EVPL: variants seen among roughly 807,000 people sequenced by gnomAD.
The protein encoded by EVPL is envoplakin, also known as 210 kDa cornified envelope precursor protein.
In EVPL, 94 loss-of-function variants were observed where a neutral mutation model predicts 129.7. The observed-to-expected ratio is 0.72, with a 90% confidence interval of 0.61 to 0.86. The LOEUF is 0.86. Among genes scored for constraint, EVPL ranks in the 40% least tolerant of loss-of-function variants. The pLI, the probability that EVPL is intolerant of heterozygous loss-of-function variation, is 0.00. For missense variants in EVPL, 2,625 were observed against 2,721.1 expected, an observed-to-expected ratio of 0.96 and a Z score of 0.79; for synonymous variants, 1,172 against 1,191.1, an observed-to-expected ratio of 0.98 and a Z score of 0.33.
At position 76,013,903 on chromosome 17, in the gene EVPL, C is replaced by G. The variant is rs74885348; in HGVS notation, c.2373+523G>C. Among the ~76,000 whole-genome samples, 317 of 152,238 alleles carry G rather than the reference C, an allele frequency of 2.1e-3. 7 individuals are homozygous for G. In the East Asian group the frequency reaches 0.052, roughly 25 times the overall value. ...TGCCGGAAGGGCCTGTGTGGTCTGC[C>G]CATCTGGTCGCCCTCGCCCCTGAGT... On this transcript the variant is annotated intron_variant, in intron 18 of 21. Coordinates refer to ENST00000301607, the MANE Select transcript of EVPL (RefSeq NM_001988.4). The surrounding 1 kb of genome is among the most constrained non-coding windows in gnomAD (Gnocchi z 4.3).
In EVPL at chr17:76,027,263, G is replaced by A; in HGVS notation, c.-65C>T. 8.6e-7 allele frequency: 1 copy of A among 1,158,150 alleles called. No individual in the cohort carries two copies. The highest frequency in any genetic ancestry group is 1.3e-6 in the Non-Finnish European group (1 of 772,636). 71.7% of individuals were successfully genotyped at this position (1,158,150 alleles called of 1,614,324 possible). ...GGCGAAAGACGGCAGGAGGGCAGGT[G>A]GGAGGCAGCGGGCGTCCTCACTGGC... On this transcript the variant is annotated 5_prime_UTR_variant, in exon 1 of 22. Transcript: ENST00000301607.
At chr17:76,021,805 C>T (rs2066462147) in intron 7 of EVPL, 24 bp from the exon 8 acceptor site, 2 of 1,576,256 alleles carry the variant, frequency 1.3e-6, no homozygotes, top group Non-Finnish European at 1.7e-6. Flanking sequence ...GGGTGGGGAG[C>T]GGCGGTGAGG....
At chr17:76,014,609 G>C (rs368903566) in intron 17 of EVPL, 33 bp from the exon 18 acceptor site, 1 of 1,601,626 alleles carries the variant, frequency 6.2e-7, no homozygotes. Context: ...ACAGAGATAA[G>C]ACCTGCCCCG....
chr17:76,024,964 G>A lies in EVPL; in HGVS notation c.99-844C>T, dbSNP rs1052352373. On this transcript the variant is annotated intron_variant, in intron 1 of 21. Coordinates refer to ENST00000301607, the MANE Select transcript of EVPL (RefSeq NM_001988.4). This position sits in a 1 kb window ranked among gnomAD's most constrained non-coding sequence, Gnocchi z 4.5. ...GTGCCTTATGGGGGATCATTATGCTGGGGCAGGAGAAGCCTTGAACTGGGT... is the reference window on the plus strand; with the variant it reads ...GTGCCTTATGGGGGATCATTATGCTAGGGCAGGAGAAGCCTTGAACTGGGT... Among the ~76,000 whole-genome samples, 12 of 152,196 alleles carry A rather than the reference G, an allele frequency of 7.9e-5. No homozygotes were observed. The highest frequency in any genetic ancestry group is 2.9e-4 in the African/African-American group (12 of 41,450).
At chr17:76,018,124 G>A (rs1422954587) in intron 13 of EVPL, 37 bp downstream of exon 13, 3 of 1,549,996 alleles carry the variant, frequency 1.9e-6, no homozygotes, top group Non-Finnish European at 2.6e-6. Context: ...ACTCCTTCTA[G>A]CCCCACAGCC....
In EVPL at chr17:76,017,742, A is replaced by G. The variant is rs2144422387; in HGVS notation, c.1707T>C (p.His569=). The G allele has an allele frequency of 6.2e-7, 1 of 1,611,758 alleles. No individual in the cohort carries two copies. The highest frequency in any genetic ancestry group is 8.5e-7 in the Non-Finnish European group (1 of 1,179,690). Residue 569 remains histidine, a synonymous_variant, in exon 14 of 22, where the codon CAT becomes CAC. Transcript: ENST00000301607. ...LEDLEGRIHS[H]EGTAQRLQSL... is the part of the protein sequence containing the mutation. Reference sequence around the variant, plus strand: ...CCCCTTCCCGCTGCTCACCCACCTCATGGCTGTGGATGCGGCCCTCCAAGT... The same window carrying G: ...CCCCTTCCCGCTGCTCACCCACCTCGTGGCTGTGGATGCGGCCCTCCAAGT...
At position 76,007,423 on chromosome 17, in the gene EVPL, G is replaced by A. The variant is rs772946202; in HGVS notation, c.5782C>T (p.Arg1928Trp). ...GEAVQKGWMP[R>W]ESVLPHLQVQ... ...TGCAGGTGTGGGAGCACGCTCTCCC[G>A]GGGCATCCAGCCCTTCTGGACGGCC... Residue 1928 changes from arginine (R) to tryptophan (W), a missense_variant, in exon 22 of 22, where the codon CGG (arginine) becomes TGG (tryptophan). Around this residue, in one of 4 missense-constraint regions of EVPL, gnomAD observed 1,453 missense variants for 1,511.8 expected, o/e 0.96. Transcript: ENST00000301607. This position sits in a 1 kb window ranked among gnomAD's most constrained non-coding sequence, Gnocchi z 8.8. The A allele has an allele frequency of 6.9e-6, 11 of 1,604,616 alleles. No individual in the cohort carries two copies. The highest frequency in any genetic ancestry group is 1.7e-5 in the Admixed American group (1 of 59,814).
intron 17 of EVPL, 88 bp from the exon 18 acceptor site, chr17:76,014,664 C>T (rs1482303064): frequency 1.5e-5 from 23 of 1,525,594 alleles, no homozygotes; most frequent in Non-Finnish European, 1.9e-5. Context: ...GGAGCCTCCT[C>T]CTGGGGGCAG....
intron 17 of EVPL, 52 bp downstream of exon 17, chr17:76,014,864 G>T: frequency 1.3e-6 from 2 of 1,507,012 alleles, no homozygotes; most frequent in Non-Finnish European, 8.9e-7. Flanking sequence ...AGACAGCAAT[G>T]CCTGGCTCTG....
At chr17:76,023,200 C>A in intron 4 of EVPL, 92 bp downstream of exon 4, 7 of 1,573,782 alleles carry the variant, frequency 4.4e-6, no homozygotes, top group Non-Finnish European at 6.0e-6. Context: ...ACCCCTACAC[C>A]CTGACTATTC....
intron 18 of EVPL, among the ~76,000 whole-genome samples, chr17:76,012,911 AT>A (rs1158044497): frequency 3.3e-5 from 5 of 151,420 alleles, no homozygotes; most frequent in Non-Finnish European, 5.9e-5. Flanking sequence ...TGCCCGGCTA[AT>A]TTTTTGTATT....
chr17:76,010,040 C>G lies in EVPL; in HGVS notation c.3165G>C (p.Gly1055=), dbSNP rs1450710339. 3 of 1,612,920 alleles carry G rather than the reference C, an allele frequency of 1.9e-6. No homozygotes were observed. The African/African-American group carries it at 4.0e-5, about 22-fold the overall frequency. ...EDAVISARLE[G]LKKELLALEK... ...CAAGGGCCAGTAGCTCCTTCTTCAG[C>G]CCTTCCAGCCGGGCCGAGATGACGG... The change falls in exon 22 of 22, where the codon GGG becomes GGC. Residue 1055 remains glycine (G), a synonymous_variant. Transcript: ENST00000301607.
At chr17:76,019,205 G>T in intron 10 of EVPL, 145 bp from the exon 11 acceptor site, 1 of 883,998 alleles carries the variant, frequency 1.1e-6, no homozygotes, top group Non-Finnish European at 1.6e-6. Context: ...GCCCCTCTCT[G>T]GGGGACCTAG....
At position 76,008,504 on chromosome 17, in the gene EVPL, G is replaced by A. The variant is rs767807959; in HGVS notation, c.4701C>T (p.Ala1567=). The A allele has an allele frequency of 7.5e-6, 12 of 1,603,706 alleles. No homozygotes were observed. Among genetic ancestry groups the A allele is most frequent in the Middle Eastern group, 1.7e-4 (1 of 6,060 alleles). The change falls in exon 22 of 22, where the codon GCC becomes GCT. Residue 1567 remains alanine (A), a synonymous_variant. Coordinates refer to ENST00000301607, the MANE Select transcript of EVPL (RefSeq NM_001988.4). This position sits in a 1 kb window ranked among gnomAD's most constrained non-coding sequence, Gnocchi z 7.4. Reference sequence around the variant, plus strand: ...GGGACCAGGTTCTCCCCAGCGTCTCGGCCCGGTCAATGCGCTCCCGCAGGC... The same window carrying A: ...GGGACCAGGTTCTCCCCAGCGTCTCAGCCCGGTCAATGCGCTCCCGCAGGC... ...ARRLRERIDR[A]ETLGRTWSRE... is the part of the protein sequence containing the mutation.
Position 76,012,486 on chromosome 17 carries a change from G to A in EVPL, c.2374-397C>T, listed in dbSNP as rs150559541. 2.6e-3 allele frequency among the ~76,000 whole-genome samples: 397 copies of A among 152,120 alleles called. 4 individuals carry two copies. The highest frequency in any genetic ancestry group is 9.2e-3 in the African/African-American group (383 of 41,482). ...ATTTTTATATTTTTAGTAGAGATGG[G>A]GTTTCGCCATGTTGGCAAGGCTGGT... On this transcript the variant is annotated intron_variant, in intron 18 of 21. Coordinates refer to ENST00000301607, the MANE Select transcript of EVPL (RefSeq NM_001988.4).
In EVPL at chr17:76,007,674, G is replaced by A. The variant is rs749311778; in HGVS notation, c.5531C>T (p.Ala1844Val). The change falls in exon 22 of 22, where the codon GCC becomes GTC. Residue 1844 changes from alanine to valine, a missense_variant. Ala to Val is a moderately conservative substitution (Grantham distance 64). Around this residue, in one of 4 missense-constraint regions of EVPL, gnomAD observed 1,453 missense variants for 1,511.8 expected, o/e 0.96. Coordinates refer to ENST00000301607, the MANE Select transcript of EVPL (RefSeq NM_001988.4). The surrounding 1 kb of genome is among the most constrained non-coding windows in gnomAD (Gnocchi z 8.8). Reference sequence around the variant, plus strand: ...GGGGTCCAGCATGTTCTTGGCCACGGCCGTCTTGATGCTGCACTTGTTGTC... The same window carrying A: ...GGGGTCCAGCATGTTCTTGGCCACGACCGTCTTGATGCTGCACTTGTTGTC... ...TTDNKCSIKT[A>V]VAKNMLDPIT... 1.2e-6 allele frequency: 2 copies of A among 1,613,882 alleles called. No individual in the cohort carries two copies. The highest frequency in any genetic ancestry group is 2.2e-5 in the South Asian group (2 of 91,084).
chr17:76,016,000 C>T (rs182481326), intron 14 of EVPL, among the ~76,000 whole-genome samples: 173 of 152,178 alleles, frequency 1.1e-3, no homozygotes, highest in Admixed American at 4.4e-3. Flanking sequence ...AAAAATTAGC[C>T]GGCCGTAGCA....
At position 76,008,385 on chromosome 17, in the gene EVPL, T is replaced by G; in HGVS notation, c.4820A>C (p.Gln1607Pro). ...QELRALERQK[Q>P]QQTLQLQEES... ...CTCCTGCAGCTGCAGTGTCTGCTGC[T>G]GCTTCTGCCTCTCCAGAGCCCGCAG... Residue 1607 changes from glutamine to proline, a missense_variant, in exon 22 of 22, where the codon CAG becomes CCG. Transcript: ENST00000301607. The surrounding 1 kb of genome is among the most constrained non-coding windows in gnomAD (Gnocchi z 7.4). 6.3e-7 allele frequency: 1 copy of G among 1,597,982 alleles called. No individual in the cohort carries two copies. The highest frequency in any genetic ancestry group is 8.5e-7 in the Non-Finnish European group (1 of 1,177,910).
chr17:76,018,732 G>T, intron 11 of EVPL, 132 bp from the exon 12 acceptor site: 1 of 1,218,678 alleles, frequency 8.2e-7, no homozygotes, highest in Non-Finnish European at 1.1e-6. Context: ...GGTGGGAGGT[G>T]CTGGGGTAGA....
Sources: gnomAD v4.1 joint callset for allele counts (sites outside exome capture counted in the v4.1 genomes callset) on GRCh38, gnomAD v4.1.1 for gene constraint, gnomAD v4.1.1 regional missense constraint, Gnocchi (gnomAD v3.1) non-coding constraint, MANE v1.5 for transcripts, NCBI Gene and HGNC (gene_info 2026-07-23, HGNC 2026-07-21) for gene names.